BRAF: variants seen among roughly 807,000 people sequenced by gnomAD.
BRAF encodes the protein serine/threonine-protein kinase B-raf.
In BRAF, 16 loss-of-function variants were observed where a neutral mutation model predicts 104.6. That is an observed-to-expected ratio of 0.15 (90% CI 0.10 to 0.23). The LOEUF (loss-of-function observed/expected upper bound fraction) is 0.23. Ranked by LOEUF, BRAF falls within the 10% of genes least tolerant of loss-of-function variation. BRAF has a pLI of 1.00. For synonymous variants in BRAF, 310 were observed against 341.6 expected, an observed-to-expected ratio of 0.91 and a Z score of 1.02; for missense variants, 541 against 937.3, an observed-to-expected ratio of 0.58 and a Z score of 5.52.
At chr7:140,832,429 A>C (rs1306135726) in intron 3 of BRAF, among the ~76,000 whole-genome samples, 1 of 152,238 alleles carries the variant, frequency 6.6e-6, no homozygotes, top group Non-Finnish European at 1.5e-5. Context: ...ACAGCATGGC[A>C]AATGCTCAAA....
At chr7:140,775,232 G>A (rs1043056379) in intron 14 of BRAF, among the ~76,000 whole-genome samples, 5 of 152,178 alleles carry the variant, frequency 3.3e-5, no homozygotes, top group East Asian at 1.9e-4. Context: ...GAAGGAACAC[G>A]CTTGGCCTGC....
chr7:140,912,587 T>C (rs2129140810), intron 1 of BRAF, among the ~76,000 whole-genome samples: 1 of 152,318 alleles, frequency 6.6e-6, no homozygotes, highest in Non-Finnish European at 1.5e-5. Context: ...TGACCCCACT[T>C]TCCTCACTAG....
In BRAF at chr7:140,760,517, A is replaced by C. The variant is rs1586046111; in HGVS notation, c.1815-6284T>G. 2.0e-5 allele frequency among the ~76,000 whole-genome samples: 3 copies of C among 152,170 alleles called. No individual in the cohort carries two copies. In the South Asian group the frequency reaches 6.2e-4, roughly 32 times the overall value. Reference sequence around the variant, plus strand: ...TAAAAAGGAAGGAGAGCAACTGGACAGTGAATACCAACAAGTCTTTTGAGA... The same window carrying C: ...TAAAAAGGAAGGAGAGCAACTGGACCGTGAATACCAACAAGTCTTTTGAGA... On this transcript the variant is annotated intron_variant, in intron 14 of 19. Coordinates refer to ENST00000644969, the MANE Select transcript of BRAF (RefSeq NM_001374258.1).
At chr7:140,745,479 A>C (rs1797274955) in intron 17 of BRAF, among the ~76,000 whole-genome samples, 1 of 152,206 alleles carries the variant, frequency 6.6e-6, no homozygotes, top group Admixed American at 6.5e-5. Flanking sequence ...AGAAGAAAAA[A>C]GGGAAGTTTT....
chr7:140,921,963 T>C (rs761998979), intron 1 of BRAF, among the ~76,000 whole-genome samples: 6 of 152,228 alleles, frequency 3.9e-5, no homozygotes, highest in Non-Finnish European at 8.8e-5. Context: ...CCACAGCACA[T>C]TTCAGTTTCC....
At chr7:140,870,456 ATTAGT>A (rs1233780364) in intron 1 of BRAF, among the ~76,000 whole-genome samples, 5 of 152,196 alleles carry the variant, frequency 3.3e-5, no homozygotes, top group African/African-American at 7.2e-5. Context: ...ACTCGTTATT[ATTAGT>A]TTAGACTATT....
chr7:140,717,665 G>C (rs894553847), downstream of BRAF, among the ~76,000 whole-genome samples: 2 of 152,186 alleles, frequency 1.3e-5, no homozygotes, highest in African/African-American at 4.8e-5. Context: ...TAGTGTGGTA[G>C]AGTTCTTTAT....
chr7:140,919,509 C>T (rs953857613), intron 1 of BRAF, among the ~76,000 whole-genome samples: 17 of 151,562 alleles, frequency 1.1e-4, no homozygotes, highest in Admixed American at 6.6e-4. Flanking sequence ...AAAATAATCT[C>T]AGAGGGTAGG....
chr7:140,719,070 G>A (rs1795203787), downstream of BRAF, among the ~76,000 whole-genome samples: 2 of 152,144 alleles, frequency 1.3e-5, no homozygotes, highest in South Asian at 2.1e-4. Flanking sequence ...GATACATCAG[G>A]TCACAACATC....
chr7:140,875,428 T>C (rs1006152755), intron 1 of BRAF, among the ~76,000 whole-genome samples: 6 of 152,114 alleles, frequency 3.9e-5, no homozygotes, highest in African/African-American at 1.2e-4. Flanking sequence ...CAGGCTGGAG[T>C]ACAATGGCGT....
At position 140,720,168 on chromosome 7, in the gene BRAF, G is replaced by A. The variant is rs1312989141; in HGVS notation, c.*6326C>T. 1 of 1,062,092 alleles carries A rather than the reference G, an allele frequency of 9.4e-7. No homozygotes were observed. The highest frequency in any genetic ancestry group is 1.1e-6 in the Non-Finnish European group (1 of 877,384). The allele number at this position is 1,062,092 out of a possible 1,614,324, so 65.8% of individuals were successfully genotyped here. On this transcript the variant is annotated 3_prime_UTR_variant, in exon 20 of 20. Coordinates refer to ENST00000644969, the MANE Select transcript of BRAF (RefSeq NM_001374258.1). ...AGTTGTATGATCCTATCTTAGGAAAGGCAGCAATTGCCATGTTGAGGAAAG... is the reference window on the plus strand; with the variant it reads ...AGTTGTATGATCCTATCTTAGGAAAAGCAGCAATTGCCATGTTGAGGAAAG...
chr7:140,714,402 T>TA (rs1490388421), downstream of BRAF, among the ~76,000 whole-genome samples: 6 of 152,186 alleles, frequency 3.9e-5, no homozygotes, highest in East Asian at 1.2e-3. Flanking sequence ...GGGTCTGTCT[T>TA]AGTCACCCAG....
intron 14 of BRAF, among the ~76,000 whole-genome samples, chr7:140,764,336 A>G (rs946418154): frequency 5.9e-5 from 9 of 151,296 alleles, no homozygotes; most frequent in Admixed American, 2.0e-4. Flanking sequence ...CCCACAGCCA[A>G]TATCATACTG....
intron 14 of BRAF, among the ~76,000 whole-genome samples, chr7:140,754,751 CTTGA>C (rs899395540): frequency 1.2e-4 from 18 of 152,106 alleles, no homozygotes; most frequent in African/African-American, 4.3e-4. Context: ...ATAATAATGG[CTTGA>C]TTCATGTGTT....
chr7:140,921,594 T>C (rs919215897), intron 1 of BRAF, among the ~76,000 whole-genome samples: 6 of 152,056 alleles, frequency 3.9e-5, no homozygotes, highest in African/African-American at 1.2e-4. Flanking sequence ...TTTTTTAAAA[T>C]ACAAAACTAC....
chr7:140,869,636 CAAA>C (rs56186470), intron 1 of BRAF, among the ~76,000 whole-genome samples: 1 of 94,444 alleles, frequency 1.1e-5, no homozygotes, highest in African/African-American at 4.1e-5. Flanking sequence ...CTGTCTCAAA[CAAA>C]AAAAAAAAAA....
At chr7:140,792,836 A>G (rs557760738) in intron 8 of BRAF, among the ~76,000 whole-genome samples, 1 of 152,350 alleles carries the variant, frequency 6.6e-6, no homozygotes, top group East Asian at 1.9e-4. Context: ...TTGAACATGA[A>G]TAAAAATGCT....
chr7:140,769,725 A>T (rs1056654993), intron 14 of BRAF, among the ~76,000 whole-genome samples: 8 of 152,058 alleles, frequency 5.3e-5, no homozygotes, highest in East Asian at 3.9e-4. Flanking sequence ...TTCTTTTTTT[A>T]AAAAAATGTC....
chr7:140,777,204 T>C, intron 13 of BRAF, 116 bp from the exon 13 acceptor site: 2 of 1,086,394 alleles, frequency 1.8e-6, no homozygotes, highest in African/African-American at 1.6e-5. Flanking sequence ...TTTTTTTTTT[T>C]TAAAAAAGGC....
Sources: gnomAD v4.1 joint callset for allele counts (sites outside exome capture counted in the v4.1 genomes callset) on GRCh38, gnomAD v4.1.1 for gene constraint, MANE v1.5 for transcripts, NCBI Gene and HGNC (gene_info 2026-07-23, HGNC 2026-07-21) for gene names.